The following MDGA2 variants were observed in gnomAD, a reference collection of about 807,000 sequenced individuals.
The protein encoded by MDGA2 is MAM domain-containing glycosylphosphatidylinositol anchor protein 2.
A neutral mutation model predicts 117.8 loss-of-function variants in MDGA2; 40 were observed. The observed-to-expected ratio is 0.34, with a 90% CI of 0.26 to 0.44. The LOEUF (loss-of-function observed/expected upper bound fraction) is 0.44. Among genes scored for constraint, MDGA2 ranks in the 20% least tolerant of loss-of-function variants. The pLI is 1.00. For synonymous variants in MDGA2, 452 were observed against 439.0 expected (o/e 1.03, Z -0.37); for missense variants, 1,123 against 1,250.6 (o/e 0.90, Z 1.54).
At chr14:47,477,722 TATTC>T (rs1342075396) in intron 1 of MDGA2, among the ~76,000 whole-genome samples, 1 of 152,228 alleles carries the variant, frequency 6.6e-6, no homozygotes, top group Non-Finnish European at 1.5e-5. Flanking sequence ...ATAAGAATGA[TATTC>T]ATTCATTCAT....
At chr14:47,077,453 G>GT (rs1890537481) in intron 6 of MDGA2, among the ~76,000 whole-genome samples, 1 of 151,776 alleles carries the variant, frequency 6.6e-6, no homozygotes, top group South Asian at 2.1e-4. Context: ...TTCTTTTGTT[G>GT]TTTTCCTGTT....
At chr14:47,212,534 C>T (rs914909350) in intron 3 of MDGA2, among the ~76,000 whole-genome samples, 2 of 152,162 alleles carry the variant, frequency 1.3e-5, no homozygotes, top group Non-Finnish European at 2.9e-5. Flanking sequence ...TGCATCTCCT[C>T]TTAACTATTT....
rs572326062 is a variant in MDGA2 at position 47,667,367 on chromosome 14, C to T, written c.280+7150G>A. On this transcript the variant is annotated intron_variant, in intron 1 of 16. Coordinates refer to ENST00000399232, the MANE Select transcript of MDGA2 (RefSeq NM_001113498.3). The stretch of plus-strand genomic sequence containing the variant: ...GGAATGCTCCAATGATCAATCTGTA[C>T]CCAACCTTTCCTTGTGTTCCCAAAT... Among the ~76,000 whole-genome samples, 37 of 152,270 alleles carry T rather than the reference C, an allele frequency of 2.4e-4. No individual in the cohort carries two copies. The South Asian group carries it at 7.2e-3, about 30-fold the overall frequency.
intron 3 of MDGA2, among the ~76,000 whole-genome samples, chr14:47,160,751 A>G (rs1883601659): frequency 6.6e-6 from 1 of 152,246 alleles, no homozygotes; most frequent in Admixed American, 6.5e-5. Flanking sequence ...TTAAATTCAC[A>G]TATAAATTTT....
intron 6 of MDGA2, among the ~76,000 whole-genome samples, chr14:47,095,838 C>T (rs1251370039): frequency 2.0e-5 from 3 of 152,110 alleles, no homozygotes; most frequent in Non-Finnish European, 4.4e-5. Flanking sequence ...AAGTGTTTAT[C>T]TCTATACATT....
intron 2 of MDGA2, among the ~76,000 whole-genome samples, chr14:47,232,944 C>T (rs1886740929): frequency 6.6e-6 from 1 of 152,100 alleles, no homozygotes. Context: ...TTACGTTCTG[C>T]TAAATGAAAA....
chr14:47,350,389 G>A (rs1890852044), intron 1 of MDGA2, among the ~76,000 whole-genome samples: 1 of 152,176 alleles, frequency 6.6e-6, no homozygotes, highest in Non-Finnish European at 1.5e-5. Flanking sequence ...CATAGACAGG[G>A]ATATGGAAAT....
chr14:47,313,743 C>T (rs1256156398), intron 1 of MDGA2, among the ~76,000 whole-genome samples: 5 of 152,088 alleles, frequency 3.3e-5, no homozygotes, highest in Admixed American at 3.3e-4. Flanking sequence ...ATTGGTTACC[C>T]TAAAGCTGGA....
At chr14:47,345,709 A>G (rs1341797194) in intron 1 of MDGA2, among the ~76,000 whole-genome samples, 11 of 152,140 alleles carry the variant, frequency 7.2e-5, no homozygotes, top group Admixed American at 6.6e-4. Context: ...ATTACAATGA[A>G]GCTTAAAGAA....
intron 2 of MDGA2, among the ~76,000 whole-genome samples, chr14:47,237,119 A>C (rs1198775664): frequency 6.6e-6 from 1 of 152,190 alleles, no homozygotes; most frequent in Non-Finnish European, 1.5e-5. Flanking sequence ...TTATTAATTC[A>C]GATTAATAAT....
At chr14:47,085,618 CTT>C (rs200319028) in intron 6 of MDGA2, among the ~76,000 whole-genome samples, 54,518 of 146,716 alleles carry the variant, frequency 0.37, 10,035 homozygotes, top group Middle Eastern at 0.49. Flanking sequence ...TAAATCAAGT[CTT>C]TTTTTTTTTT....
At chr14:47,627,449 G>C (rs866653257) in intron 1 of MDGA2, among the ~76,000 whole-genome samples, 57 of 152,160 alleles carry the variant, frequency 3.7e-4, no homozygotes, top group Admixed American at 4.6e-4. Context: ...TCTAGCTCAA[G>C]GTTTGTGAAT....
chr14:47,384,317 G>T (rs936465302), intron 1 of MDGA2, among the ~76,000 whole-genome samples: 1 of 149,884 alleles, frequency 6.7e-6, no homozygotes, highest in African/African-American at 2.5e-5. Flanking sequence ...TAGTATCCAG[G>T]GGACTCCAAT....
chr14:47,246,833 A>ACACACACACACT lies in MDGA2; in HGVS notation c.421-28639_421-28638insAGTGTGTGTGTG, dbSNP rs1408896961. ...CACACACACACACACACACACACAC[A>ACACACACACACT]CTCAGACGTATCAACAAAAAGCCAG... On this transcript the variant is annotated intron_variant, in intron 2 of 16. Coordinates refer to ENST00000399232, the MANE Select transcript of MDGA2 (RefSeq NM_001113498.3). Among the ~76,000 whole-genome samples, 15 of 150,800 alleles carry ACACACACACACT rather than the reference A, an allele frequency of 9.9e-5. No homozygotes were observed. In the Admixed American group the frequency reaches 1.0e-3, roughly 10 times the overall value.
intron 10 of MDGA2, among the ~76,000 whole-genome samples, chr14:46,916,216 C>A (rs1235319215): frequency 6.6e-6 from 1 of 152,076 alleles, no homozygotes; most frequent in Non-Finnish European, 1.5e-5. Context: ...AAAAGCTCAT[C>A]ACTTCCTACT....
intron 3 of MDGA2, among the ~76,000 whole-genome samples, chr14:47,155,611 G>A (rs1883336210): frequency 6.6e-6 from 1 of 152,048 alleles, no homozygotes; most frequent in South Asian, 2.1e-4. Context: ...TGGCATGTCT[G>A]GCTGTACACA....
At chr14:47,029,627 T>C (rs1021512485) in intron 8 of MDGA2, among the ~76,000 whole-genome samples, 1 of 152,144 alleles carries the variant, frequency 6.6e-6, no homozygotes, top group Non-Finnish European at 1.5e-5. Context: ...CTTTGAAATA[T>C]ACTCACATTA....
chr14:47,249,273 T>A (rs1483934196), intron 2 of MDGA2, among the ~76,000 whole-genome samples: 1 of 151,996 alleles, frequency 6.6e-6, no homozygotes, highest in Non-Finnish European at 1.5e-5. Flanking sequence ...CGCCTCAGCC[T>A]CCCAAACTGC....
chr14:46,862,024 C>T (rs1881529936), intron 14 of MDGA2, among the ~76,000 whole-genome samples: 2 of 151,908 alleles, frequency 1.3e-5, no homozygotes, highest in Admixed American at 6.6e-5. Context: ...GTTAATACTC[C>T]TTAAAAGTAA....
Sources: gnomAD v4.1 joint callset for allele counts (sites outside exome capture counted in the v4.1 genomes callset) on GRCh38, gnomAD v4.1.1 for gene constraint, MANE v1.5 for transcripts, NCBI Gene and HGNC (gene_info 2026-07-23, HGNC 2026-07-21) for gene names.